The following CYTH3 variants were observed in gnomAD, a reference collection of about 807,000 sequenced individuals.
CYTH3 encodes the protein cytohesin-3.
A neutral mutation model predicts 55.1 loss-of-function variants in CYTH3; 23 were observed. The observed-to-expected ratio is 0.42, with a 90% confidence interval of 0.30 to 0.59. CYTH3 has a LOEUF of 0.59. CYTH3 is among the 20% of genes least tolerant of loss of function. CYTH3 has a pLI of 0.20. For missense variants in CYTH3, 413 were observed against 524.8 expected, an observed-to-expected ratio of 0.79 and a Z score of 2.08; for synonymous variants, 249 against 194.9, an observed-to-expected ratio of 1.28 and a Z score of -2.31.
intron 6 of CYTH3, among the ~76,000 whole-genome samples, chr7:6,172,430 G>A (rs1783225387): frequency 6.6e-6 from 1 of 151,826 alleles, no homozygotes; most frequent in South Asian, 2.1e-4. Context: ...AGCAAAGCAT[G>A]CACCTGCCCA....
intron 5 of CYTH3, among the ~76,000 whole-genome samples, chr7:6,177,503 A>T (rs560411259): frequency 7.2e-5 from 11 of 152,384 alleles, no homozygotes; most frequent in African/African-American, 2.6e-4. Flanking sequence ...TGGGCAAAAC[A>T]GAAGACGATT....
At chr7:6,225,912 T>G (rs1035626784) in intron 1 of CYTH3, among the ~76,000 whole-genome samples, 1 of 151,630 alleles carries the variant, frequency 6.6e-6, no homozygotes, top group Admixed American at 6.6e-5. Context: ...ACTCCTGACC[T>G]TGGGAGCTCA....
At chr7:6,172,928 C>A in intron 6 of CYTH3, 2 of 1,175,586 alleles carry the variant, frequency 1.7e-6, no homozygotes, top group Non-Finnish European at 2.2e-6. Context: ...AGGCCATGAG[C>A]AAACAGTCCA....
At chr7:6,165,839 C>T (rs374629156) in intron 9 of CYTH3, 29 bp from the exon 10 acceptor site, 74 of 1,612,524 alleles carry the variant, frequency 4.6e-5, no homozygotes, top group East Asian at 2.5e-4. Context: ...CGTGAGTCTG[C>T]GCTCCGTGCA....
intron 1 of CYTH3, among the ~76,000 whole-genome samples, chr7:6,216,852 G>A (rs1395781418): frequency 3.8e-5 from 5 of 133,008 alleles, no homozygotes; most frequent in African/African-American, 1.5e-4. Flanking sequence ...AAAACAAAAA[G>A]CTGAACAGGA....
intron 4 of CYTH3, among the ~76,000 whole-genome samples, chr7:6,178,309 A>G (rs1488407101): frequency 3.3e-5 from 5 of 152,248 alleles, no homozygotes; most frequent in African/African-American, 1.2e-4. Context: ...GGTGGTGGCC[A>G]CTGCCGGTTG....
intron 4 of CYTH3, among the ~76,000 whole-genome samples, chr7:6,181,223 A>G (rs1254645223): frequency 6.6e-6 from 1 of 152,092 alleles, no homozygotes; most frequent in African/African-American, 2.4e-5. Context: ...TAAATTTCTC[A>G]CTTTGACATT....
chr7:6,182,909 T>C (rs1032687859), intron 4 of CYTH3, among the ~76,000 whole-genome samples: 10 of 152,198 alleles, frequency 6.6e-5, no homozygotes, highest in African/African-American at 2.4e-4. Context: ...CGCTTGGTGG[T>C]GCTTGGTGGG....
At chr7:6,262,338 C>T (rs1780373846) in intron 1 of CYTH3, among the ~76,000 whole-genome samples, 1 of 152,124 alleles carries the variant, frequency 6.6e-6, no homozygotes, top group African/African-American at 2.4e-5. Context: ...AGCTTTGTCA[C>T]AGCACTGCCA....
At chr7:6,263,851 C>T (rs925464215) in intron 1 of CYTH3, among the ~76,000 whole-genome samples, 11 of 151,572 alleles carry the variant, frequency 7.3e-5, no homozygotes, top group African/African-American at 2.7e-4. Flanking sequence ...AAAACGTGAT[C>T]GCAGTTAAAT....
chr7:6,238,497 A>G (rs1779585157), intron 1 of CYTH3, among the ~76,000 whole-genome samples: 1 of 152,260 alleles, frequency 6.6e-6, no homozygotes, highest in African/African-American at 2.4e-5. Context: ...TAGTAAATAC[A>G]TTACAGATAA....
chr7:6,165,028 A>G lies in CYTH3; in HGVS notation c.1128-12T>C. ...TGCTGATACTGGCTCTGGTGAAAAA[A>G]GGAAAACACACAGGTTAGGTCGTGG... On this transcript the variant is annotated splice_polypyrimidine_tract_variant and intron_variant, in intron 12 of 12. Coordinates refer to ENST00000350796, the MANE Select transcript of CYTH3 (RefSeq NM_004227.4). 1.2e-6 allele frequency: 2 copies of G among 1,614,150 alleles called. No individual in the cohort carries two copies. The highest frequency in any genetic ancestry group is 1.7e-6 in the Non-Finnish European group (2 of 1,180,014).
chr7:6,272,189 C>A (rs1290001001), intron 1 of CYTH3, among the ~76,000 whole-genome samples: 3 of 152,150 alleles, frequency 2.0e-5, no homozygotes, highest in Admixed American at 6.5e-5. Context: ...ACACCCAAAC[C>A]CCGGCCCGAG....
intron 1 of CYTH3, among the ~76,000 whole-genome samples, chr7:6,224,315 T>TA (rs11458182): frequency 0.17 from 14,975 of 86,556 alleles, 1,156 homozygotes; most frequent in East Asian, 0.4. Context: ...CAAAAATAGG[T>TA]AAAAAAAAAA....
At chr7:6,186,243 CAA>C (rs35117209) in intron 4 of CYTH3, among the ~76,000 whole-genome samples, 250 of 77,230 alleles carry the variant, frequency 3.2e-3, no homozygotes, top group African/African-American at 0.011. Context: ...GACTCTATCT[CAA>C]AAAAAAAAAA....
intron 6 of CYTH3, among the ~76,000 whole-genome samples, chr7:6,173,233 C>G (rs924912463): frequency 2.6e-5 from 4 of 152,128 alleles, no homozygotes; most frequent in Admixed American, 2.6e-4. Flanking sequence ...TCCCAGACAC[C>G]AAAATGGCGA....
intron 1 of CYTH3, among the ~76,000 whole-genome samples, chr7:6,241,296 T>C (rs758196255): frequency 5.3e-5 from 8 of 152,122 alleles, no homozygotes; most frequent in Non-Finnish European, 8.8e-5. Context: ...CTTCGAGAAT[T>C]TGAAAAAGAC....
intron 1 of CYTH3, among the ~76,000 whole-genome samples, chr7:6,266,662 T>G (rs907859660): frequency 6.6e-6 from 1 of 152,176 alleles, no homozygotes; most frequent in Non-Finnish European, 1.5e-5. Flanking sequence ...ACTACCCCTA[T>G]AGATTGCACC....
Position 6,170,959 on chromosome 7 carries a change from T to C in CYTH3, c.582A>G (p.Ser194=). The C allele has an allele frequency of 1.9e-6, 3 of 1,613,956 alleles. No homozygotes were observed. ...TGGTGTTGAGCATGATGATGGCGAATGACAGCACGTAGCACGTGTCTGCAA... is the reference window on the plus strand; with the variant it reads ...TGGTGTTGAGCATGATGATGGCGAACGACAGCACGTAGCACGTGTCTGCAA... The part of the protein sequence containing the change: ...FQSTDTCYVL[S]FAIIMLNTSL... The change falls in exon 8 of 13, where the codon TCA becomes TCG. Residue 194 remains serine, a synonymous_variant. Transcript: ENST00000350796. The surrounding 1 kb of genome is among the most constrained non-coding windows in gnomAD (Gnocchi z 7.8).
Sources: gnomAD v4.1 joint callset for allele counts (sites outside exome capture counted in the v4.1 genomes callset) on GRCh38, gnomAD v4.1.1 for gene constraint, Gnocchi (gnomAD v3.1) non-coding constraint, MANE v1.5 for transcripts, NCBI Gene and HGNC (gene_info 2026-07-23, HGNC 2026-07-21) for gene names.